Variants in CHRM2 observed in about 807,000 individuals in gnomAD.
The protein encoded by CHRM2 is muscarinic acetylcholine receptor M2.
In CHRM2, 8 loss-of-function variants were observed where a neutral mutation model predicts 25.0. That is an observed-to-expected ratio of 0.32 (90% CI 0.19 to 0.58). CHRM2 has a LOEUF of 0.58. CHRM2 is among the 20% of genes least tolerant of loss of function. The probability of loss-of-function intolerance (pLI) is 0.88; values close to 1 mark genes in which losing one functional copy is unlikely to be tolerated. For synonymous variants in CHRM2, 202 were observed against 205.7 expected (o/e 0.98, Z 0.15); for missense variants, 440 against 567.1 (o/e 0.78, Z 2.28).
Position 137,004,904 on chromosome 7 carries a change from A to G in CHRM2, c.-46-9916A>G, listed in dbSNP as rs568449198. Among the ~76,000 whole-genome samples, 5 of 152,248 alleles carry G rather than the reference A, an allele frequency of 3.3e-5. No homozygotes were observed. The East Asian group carries it at 9.7e-4, about 29-fold the overall frequency. ...GGCTCAGTTCTAGAAATAGTCTGCA[A>G]TCAAACTCTGGGGAAACAATCATTT... On this transcript the variant is annotated intron_variant, in intron 3 of 3. Coordinates refer to ENST00000680005, the MANE Select transcript of CHRM2 (RefSeq NM_001006630.2).
intron 2 of CHRM2, among the ~76,000 whole-genome samples, chr7:136,985,193 C>T (rs1260981958): frequency 6.6e-6 from 1 of 152,034 alleles, no homozygotes; most frequent in African/African-American, 2.4e-5. Context: ...TATTTTTGAC[C>T]AGCTACTAGG....
chr7:136,938,573 T>C, intron 2 of CHRM2: 4 of 890,658 alleles, frequency 4.5e-6, no homozygotes, highest in South Asian at 2.6e-5. Flanking sequence ...GGCCCCACCA[T>C]AGCCGCTGCC....
chr7:136,885,826 A>C (rs2130531579), intron 2 of CHRM2, among the ~76,000 whole-genome samples: 1 of 152,262 alleles, frequency 6.6e-6, no homozygotes, highest in Non-Finnish European at 1.5e-5. Flanking sequence ...CTAGAGAGTC[A>C]ATGGGGTCTT....
intron 3 of CHRM2, among the ~76,000 whole-genome samples, chr7:137,001,011 T>C (rs17168868): frequency 0.015 from 2,230 of 152,298 alleles, 30 homozygotes; most frequent in East Asian, 0.023. Context: ...AACTTGGTTA[T>C]AAAACTTGAG....
chr7:136,954,764 C>T (rs1244237012), intron 2 of CHRM2, among the ~76,000 whole-genome samples: 1 of 152,194 alleles, frequency 6.6e-6, no homozygotes. Context: ...TGGATTCTTC[C>T]ATCCTCGTAG....
chr7:136,872,339 A>G (rs1447704494), intron 2 of CHRM2, among the ~76,000 whole-genome samples: 1 of 152,204 alleles, frequency 6.6e-6, no homozygotes, highest in Non-Finnish European at 1.5e-5. Flanking sequence ...CAGATGTGGA[A>G]AGAACTAGCA....
chr7:137,002,281 C>T (rs1804094578), intron 3 of CHRM2, among the ~76,000 whole-genome samples: 1 of 152,052 alleles, frequency 6.6e-6, no homozygotes, highest in Non-Finnish European at 1.5e-5. Flanking sequence ...TACAAATTAA[C>T]TTTATGCATA....
intron 2 of CHRM2, among the ~76,000 whole-genome samples, chr7:136,900,700 T>A (rs559620472): frequency 1.3e-4 from 20 of 152,158 alleles, no homozygotes; most frequent in African/African-American, 4.6e-4. Flanking sequence ...TGCCAACTGC[T>A]AAACAATCTT....
chr7:136,961,734 G>A (rs550892590), intron 2 of CHRM2, among the ~76,000 whole-genome samples: 1 of 152,062 alleles, frequency 6.6e-6, no homozygotes, highest in South Asian at 2.1e-4. Flanking sequence ...AACTTTATTA[G>A]AGAAAAGAGG....
chr7:136,968,543 C>T (rs1476845313), intron 2 of CHRM2, among the ~76,000 whole-genome samples: 1 of 151,606 alleles, frequency 6.6e-6, no homozygotes, highest in Non-Finnish European at 1.5e-5. Context: ...TCCAAAGGAA[C>T]TAATATCAGT....
chr7:136,963,005 G>GT (rs1404667273), intron 2 of CHRM2, among the ~76,000 whole-genome samples: 5 of 152,146 alleles, frequency 3.3e-5, no homozygotes, highest in Non-Finnish European at 7.3e-5. Context: ...TTAGGGTTAA[G>GT]TACTTACATT....
intron 2 of CHRM2, among the ~76,000 whole-genome samples, chr7:136,962,509 ACT>A (rs1433924194): frequency 2.6e-5 from 4 of 151,912 alleles, no homozygotes; most frequent in African/African-American, 9.7e-5. Context: ...AATTAAGTAG[ACT>A]CTAAGTAAGA....
intron 2 of CHRM2, among the ~76,000 whole-genome samples, chr7:136,983,678 T>C (rs1802643665): frequency 6.6e-6 from 1 of 152,246 alleles, no homozygotes; most frequent in Non-Finnish European, 1.5e-5. Context: ...GTTTTCCTTC[T>C]AACAGTCAAG....
intron 3 of CHRM2, among the ~76,000 whole-genome samples, chr7:136,998,529 G>A (rs1377690320): frequency 6.6e-6 from 1 of 152,144 alleles, no homozygotes; most frequent in Non-Finnish European, 1.5e-5. Flanking sequence ...AGAATCCTAA[G>A]ACTCTTTTAG....
intron 3 of CHRM2, among the ~76,000 whole-genome samples, chr7:137,006,943 G>C (rs1444962926): frequency 6.6e-6 from 1 of 152,060 alleles, no homozygotes; most frequent in Non-Finnish European, 1.5e-5. Flanking sequence ...TGAACCTACA[G>C]GTTGTCAGGC....
chr7:136,980,457 C>G (rs1432649405), intron 2 of CHRM2, among the ~76,000 whole-genome samples: 1 of 152,190 alleles, frequency 6.6e-6, no homozygotes, highest in African/African-American at 2.4e-5. Context: ...CCTGATTGCC[C>G]TGGTCAGAAC....
intron 2 of CHRM2, among the ~76,000 whole-genome samples, chr7:136,930,694 G>A (rs989918763): frequency 2.0e-5 from 3 of 151,728 alleles, no homozygotes; most frequent in Non-Finnish European, 2.9e-5. Context: ...TCAGGAAATC[G>A]AGACCATCGT....
Position 136,967,709 on chromosome 7 carries a change from T to C in CHRM2, c.-124-24478T>C, listed in dbSNP as rs1349497977. ...TATTTCTGTTCTCTCTTTCTGTAAT[T>C]ACTATTAGACTTTTTGCTCTAGCCC... On this transcript the variant is annotated intron_variant, in intron 2 of 3. Coordinates refer to ENST00000680005, the MANE Select transcript of CHRM2 (RefSeq NM_001006630.2). Among the ~76,000 whole-genome samples the C allele has an allele frequency of 2.6e-5, 4 of 152,052 alleles. No individual in the cohort carries two copies. In the East Asian group the frequency reaches 7.7e-4, roughly 29 times the overall value.
At chr7:136,987,328 A>G (rs1398479201) in intron 2 of CHRM2, among the ~76,000 whole-genome samples, 2 of 152,158 alleles carry the variant, frequency 1.3e-5, no homozygotes, top group Non-Finnish European at 2.9e-5. Flanking sequence ...TCCCAGCTCT[A>G]TGTCACTGGG....
Sources: allele counts gnomAD v4.1 joint callset (sites outside exome capture counted in the v4.1 genomes callset), GRCh38; gene constraint gnomAD v4.1.1; transcripts MANE v1.5; gene names NCBI Gene and HGNC (gene_info 2026-07-23, HGNC 2026-07-21).